Variants in CEP112 observed in about 807,000 individuals in gnomAD.
CEP112 encodes the protein centrosomal protein of 112 kDa.
CEP112 carries 127 observed loss-of-function variants against 153.0 expected under a neutral mutation model. The observed-to-expected ratio is 0.83, with a 90% confidence interval of 0.72 to 0.96. The LOEUF (loss-of-function observed/expected upper bound fraction) is 0.96. Among genes scored for constraint, CEP112 ranks in the 40% least tolerant of loss-of-function variants. The pLI is 0.00. For synonymous variants in CEP112, 358 were observed against 374.4 expected (o/e 0.96, Z 0.51); for missense variants, 1,089 against 1,101.2 (o/e 0.99, Z 0.16).
intron 21 of CEP112, among the ~76,000 whole-genome samples, chr17:65,802,631 A>G (rs2055348241): frequency 6.6e-6 from 1 of 152,160 alleles, no homozygotes; most frequent in Non-Finnish European, 1.5e-5. Context: ...CACCAAGCTC[A>G]TCATTATCTT....
At chr17:65,893,682 C>A (rs949337747) in intron 20 of CEP112, among the ~76,000 whole-genome samples, 1 of 152,020 alleles carries the variant, frequency 6.6e-6, no homozygotes, top group Non-Finnish European at 1.5e-5. Flanking sequence ...ATTTTCTGTA[C>A]ACAAATATTA....
chr17:65,783,142 A>G (rs982877922), intron 21 of CEP112, among the ~76,000 whole-genome samples: 2 of 152,198 alleles, frequency 1.3e-5, no homozygotes, highest in African/African-American at 2.4e-5. Context: ...GCATTTCTCA[A>G]AACAAGATAC....
chr17:65,717,407 C>A (rs1025031810), intron 23 of CEP112, among the ~76,000 whole-genome samples: 9 of 152,134 alleles, frequency 5.9e-5, no homozygotes, highest in Non-Finnish European at 1.3e-4. Flanking sequence ...ACAAAAAATA[C>A]TAGAAATAGG....
At chr17:66,122,119 C>T (rs1000994434) in intron 6 of CEP112, among the ~76,000 whole-genome samples, 2 of 152,110 alleles carry the variant, frequency 1.3e-5, no homozygotes, top group African/African-American at 2.4e-5. Flanking sequence ...TGGTCTTGAT[C>T]TCTTGACCTC....
intron 20 of CEP112, among the ~76,000 whole-genome samples, chr17:65,876,467 T>A (rs753821532): frequency 1.3e-5 from 2 of 152,224 alleles, no homozygotes; most frequent in African/African-American, 2.4e-5. Flanking sequence ...ATAGAGGACC[T>A]GATTTTCCTC....
At chr17:65,755,168 G>A (rs1447333899) in intron 21 of CEP112, among the ~76,000 whole-genome samples, 2 of 152,112 alleles carry the variant, frequency 1.3e-5, no homozygotes, top group African/African-American at 4.8e-5. Flanking sequence ...AACAAAAGAG[G>A]CTTAATTTGC....
intron 6 of CEP112, among the ~76,000 whole-genome samples, chr17:66,116,137 A>G (rs1258854846): frequency 6.6e-6 from 1 of 152,216 alleles, no homozygotes; most frequent in Non-Finnish European, 1.5e-5. Flanking sequence ...AAAAGTATTT[A>G]CCAACTTTTC....
rs142502122 is a variant in CEP112, at chr17:65,745,961, C to T, written c.2458-2744G>A. Among the ~76,000 whole-genome samples the T allele has an allele frequency of 8.9e-3, 1,355 of 151,864 alleles. 21 individuals are homozygous for T. The highest frequency in any genetic ancestry group is 0.03 in the African/African-American group (1,259 of 41,450). The stretch of plus-strand genomic sequence containing the variant: ...GCCGGATCACCTGAAGCCAGGAGTT[C>T]GAGACCAGCCTGGCCAACATGGCGA... On this transcript the variant is annotated intron_variant, in intron 22 of 26. Coordinates refer to ENST00000535342, the MANE Select transcript of CEP112 (RefSeq NM_001199165.4).
chr17:66,107,606 C>T (rs951151608), intron 6 of CEP112, among the ~76,000 whole-genome samples: 1 of 151,678 alleles, frequency 6.6e-6, no homozygotes, highest in African/African-American at 2.4e-5. Context: ...AAGATCAGTA[C>T]AACAAAAACT....
chr17:65,869,638 G>T (rs970562676), intron 20 of CEP112, among the ~76,000 whole-genome samples: 1 of 150,184 alleles, frequency 6.7e-6, no homozygotes, highest in African/African-American at 2.5e-5. Flanking sequence ...GGAGTGCAGT[G>T]GTGTGATCTC....
At chr17:65,922,997 C>A (rs2060788178) in intron 19 of CEP112, among the ~76,000 whole-genome samples, 1 of 152,194 alleles carries the variant, frequency 6.6e-6, no homozygotes, top group Non-Finnish European at 1.5e-5. Context: ...CTTCCCCCAT[C>A]ACTAAAGTTG....
intron 21 of CEP112, among the ~76,000 whole-genome samples, chr17:65,835,321 C>G (rs939993716): frequency 3.9e-5 from 6 of 151,980 alleles, no homozygotes; most frequent in African/African-American, 1.2e-4. Flanking sequence ...TTTCTCAAAT[C>G]CCAAGAAAAA....
intron 20 of CEP112, among the ~76,000 whole-genome samples, chr17:65,859,168 G>A (rs566305878): frequency 6.6e-6 from 1 of 152,194 alleles, no homozygotes; most frequent in East Asian, 1.9e-4. Flanking sequence ...CATTGGCCAG[G>A]TGCGGTGGCT....
At chr17:65,743,023 C>T (rs2145159133) in intron 23 of CEP112, 45 bp downstream of exon 23, 1 of 1,513,900 alleles carries the variant, frequency 6.6e-7, no homozygotes, top group Non-Finnish European at 8.9e-7. Flanking sequence ...CTTTTAATTA[C>T]ATTAAAGCAG....
intron 18 of CEP112, among the ~76,000 whole-genome samples, chr17:65,933,562 C>T (rs1295981302): frequency 6.6e-6 from 1 of 152,118 alleles, no homozygotes; most frequent in African/African-American, 2.4e-5. Flanking sequence ...AAAAAGCTGT[C>T]AATCAAGAAT....
At chr17:65,772,696 C>T (rs1349329428) in intron 21 of CEP112, among the ~76,000 whole-genome samples, 2 of 151,794 alleles carry the variant, frequency 1.3e-5, no homozygotes, top group African/African-American at 2.4e-5. Context: ...GGACCTTCTC[C>T]GGGTTAGGCA....
rs192978621 is a variant in CEP112 at position 66,130,339 on chromosome 17, C to T, written c.565-516G>A. Among the ~76,000 whole-genome samples, 401 of 151,910 alleles carry T rather than the reference C, an allele frequency of 2.6e-3. 2 individuals carry two copies. Among genetic ancestry groups the T allele is most frequent in the African/African-American group, 8.8e-3 (366 of 41,416 alleles). On this transcript the variant is annotated intron_variant, in intron 5 of 26. Transcript: ENST00000535342. ...TAAAGTGTATTGTCGGGGGCAGGGG[C>T]GACGTGAAAAGATGAATTATTCTCA... is the stretch of plus-strand genomic sequence containing the variant.
intron 20 of CEP112, among the ~76,000 whole-genome samples, chr17:65,877,632 TA>T (rs1480119977): frequency 6.6e-6 from 1 of 152,194 alleles, no homozygotes; most frequent in African/African-American, 2.4e-5. Flanking sequence ...AAGCTCTTAA[TA>T]AGGTTCTTTG....
chr17:65,710,447 T>C (rs151333455), intron 23 of CEP112, among the ~76,000 whole-genome samples: 25 of 152,298 alleles, frequency 1.6e-4, no homozygotes, highest in African/African-American at 6.0e-4. Context: ...CTGAAATACT[T>C]TTAGGGATTT....
Sources: allele counts gnomAD v4.1 joint callset (sites outside exome capture counted in the v4.1 genomes callset), GRCh38; gene constraint gnomAD v4.1.1; transcripts MANE v1.5; gene names NCBI Gene and HGNC (gene_info 2026-07-23, HGNC 2026-07-21).